DIP2C: variants seen among roughly 807,000 people sequenced by gnomAD.
DIP2C encodes the protein DIP2 acetate--CoA ligase C (putative).
In DIP2C, 33 loss-of-function variants were observed where a neutral mutation model predicts 192.4. The ratio of observed to expected loss-of-function variants is 0.17; its 90% CI spans 0.13 to 0.23. DIP2C has a LOEUF of 0.23. Ranked by LOEUF, DIP2C falls within the 10% of genes least tolerant of loss-of-function variation. DIP2C has a pLI of 1.00. For missense variants in DIP2C, 1,537 were observed against 2,110.1 expected (o/e 0.73, Z 5.32); for synonymous variants, 979 against 864.1 (o/e 1.13, Z -2.33).
intron 1 of DIP2C, among the ~76,000 whole-genome samples, chr10:655,348 C>T (rs573949217): frequency 6.6e-6 from 1 of 152,204 alleles, no homozygotes; most frequent in Non-Finnish European, 1.5e-5. Context: ...CCCAGCTGAG[C>T]TAAAGAGCAA....
intron 3 of DIP2C, among the ~76,000 whole-genome samples, chr10:458,039 T>A (rs151180190): frequency 4.6e-5 from 7 of 152,294 alleles, no homozygotes; most frequent in Non-Finnish European, 1.0e-4. Flanking sequence ...AGTGCAGTGA[T>A]GAAGCAGGAG....
intron 32 of DIP2C, among the ~76,000 whole-genome samples, chr10:300,614 GCCGGAACCCAGGCGCGGCC>G (rs1955985481): frequency 8.3e-5 from 12 of 143,970 alleles, no homozygotes; most frequent in South Asian, 2.3e-4. Flanking sequence ...GTGTGGAGAA[GCCGGAACCCAGGCGCGGCC>G]CTGAGCGTGT....
rs1186619953 is a variant in DIP2C at position 524,375 on chromosome 10, A to G, written c.86-37845T>C. On this transcript the variant is annotated intron_variant, in intron 1 of 36. Transcript: ENST00000280886. ...GCAGGAAAATTATTTAATTACCTTCATGGTCATCAAGTAAAATCAGTCACT... is the reference window on the plus strand; with the variant it reads ...GCAGGAAAATTATTTAATTACCTTCGTGGTCATCAAGTAAAATCAGTCACT... Among the ~76,000 whole-genome samples, 3 of 152,250 alleles carry G rather than the reference A, an allele frequency of 2.0e-5. No individual in the cohort carries two copies. The East Asian group carries it at 5.8e-4, about 29-fold the overall frequency.
chr10:274,492 T>C lies in DIP2C; in HGVS notation c.*2833A>G, dbSNP rs1954417081. On this transcript the variant is annotated 3_prime_UTR_variant, in exon 37 of 37. Coordinates refer to ENST00000280886, the MANE Select transcript of DIP2C (RefSeq NM_014974.3). The stretch of plus-strand genomic sequence containing the variant: ...CAACAAAAATAAAAGCTTTTATTTG[T>C]TCATTTGAATATAAAACAGGCGTTA... 6.6e-6 allele frequency: 1 copy of C among 152,248 alleles called. No individual in the cohort carries two copies. Among genetic ancestry groups the C allele is most frequent in the African/African-American group, 2.4e-5 (1 of 41,466 alleles). The allele number at this position is 152,248 out of a possible 1,614,324, so 9.4% of individuals were successfully genotyped here.
At chr10:633,354 C>T (rs112123667) in intron 1 of DIP2C, among the ~76,000 whole-genome samples, 2 of 152,282 alleles carry the variant, frequency 1.3e-5, no homozygotes, top group South Asian at 2.1e-4. Context: ...CACATTCCGG[C>T]GGTGCCATAG....
intron 2 of DIP2C, among the ~76,000 whole-genome samples, chr10:483,357 A>G (rs1843750882): frequency 6.6e-6 from 1 of 152,072 alleles, no homozygotes; most frequent in Non-Finnish European, 1.5e-5. Context: ...GGGGCCAACC[A>G]AGAAAGCAGC....
At chr10:463,401 A>T (rs574394123) in intron 3 of DIP2C, among the ~76,000 whole-genome samples, 12 of 152,184 alleles carry the variant, frequency 7.9e-5, no homozygotes, top group African/African-American at 2.2e-4. Flanking sequence ...CACAATTGCT[A>T]CAAAGAGAAT....
intron 1 of DIP2C, among the ~76,000 whole-genome samples, chr10:491,069 C>T (rs1844407837): frequency 1.3e-5 from 2 of 151,702 alleles, no homozygotes; most frequent in African/African-American, 4.9e-5. Context: ...AACAGACAGA[C>T]ACCCGGCCCT....
chr10:501,872 T>TGCTGGCTC (rs776830830), intron 1 of DIP2C, among the ~76,000 whole-genome samples: 1 of 152,154 alleles, frequency 6.6e-6, no homozygotes, highest in Non-Finnish European at 1.5e-5. Context: ...TGGCCAGGTG[T>TGCTGGCTC]GCTGGCTCAC....
At chr10:338,434 T>G (rs1006892916) in intron 29 of DIP2C, among the ~76,000 whole-genome samples, 1 of 152,102 alleles carries the variant, frequency 6.6e-6, no homozygotes, top group Non-Finnish European at 1.5e-5. Context: ...GTTTTTTTTT[T>G]TTTTTCCCAC....
At chr10:311,629 A>C in intron 31 of DIP2C, 1 of 1,189,508 alleles carries the variant, frequency 8.4e-7, no homozygotes, top group Non-Finnish European at 1.1e-6. Flanking sequence ...AGAAACCAAC[A>C]CACACAACAC....
chr10:615,967 GAGA>G (rs1853445697), intron 1 of DIP2C, among the ~76,000 whole-genome samples: 1 of 152,142 alleles, frequency 6.6e-6, no homozygotes, highest in Non-Finnish European at 1.5e-5. Flanking sequence ...ATGACCACAT[GAGA>G]AGCTCAGACC....
At chr10:670,961 A>G (rs1339784253) in intron 1 of DIP2C, among the ~76,000 whole-genome samples, 2 of 152,236 alleles carry the variant, frequency 1.3e-5, no homozygotes, top group Non-Finnish European at 2.9e-5. Context: ...TCATTTCAAA[A>G]CCGTTTCCTA....
intron 9 of DIP2C, among the ~76,000 whole-genome samples, chr10:404,976 T>C (rs917205807): frequency 6.6e-6 from 1 of 152,208 alleles, no homozygotes; most frequent in African/African-American, 2.4e-5. Flanking sequence ...ATTTCCACAT[T>C]ACCACTGCTG....
chr10:539,187 A>AT (rs1847849065), intron 1 of DIP2C, among the ~76,000 whole-genome samples: 2 of 152,234 alleles, frequency 1.3e-5, no homozygotes, highest in African/African-American at 4.8e-5. Context: ...CCTTTCATAG[A>AT]GTGCTCATAT....
intron 1 of DIP2C, among the ~76,000 whole-genome samples, chr10:613,508 G>A (rs1195056692): frequency 2.0e-5 from 3 of 152,190 alleles, no homozygotes; most frequent in African/African-American, 7.2e-5. Context: ...GGTTTTTCTT[G>A]GCAAGGCTTG....
chr10:422,739 C>A, intron 5 of DIP2C, 85 bp downstream of exon 5: 1 of 1,477,124 alleles, frequency 6.8e-7, no homozygotes, highest in Non-Finnish European at 9.1e-7. Flanking sequence ...CCGAGGGATT[C>A]CGCTGCAACG....
chr10:588,449 C>T (rs1851212448), intron 1 of DIP2C, among the ~76,000 whole-genome samples: 1 of 152,238 alleles, frequency 6.6e-6, no homozygotes, highest in African/African-American at 2.4e-5. Flanking sequence ...AGGCTCCGCA[C>T]TGGGTGAGGT....
chr10:355,188 C>T (rs978195508), intron 24 of DIP2C, among the ~76,000 whole-genome samples: 2 of 152,156 alleles, frequency 1.3e-5, no homozygotes, highest in African/African-American at 4.8e-5. Flanking sequence ...AGAAACGGGC[C>T]TTCCTGGTTT....
Sources: gnomAD v4.1 joint callset for allele counts (sites outside exome capture counted in the v4.1 genomes callset) on GRCh38, gnomAD v4.1.1 for gene constraint, MANE v1.5 for transcripts, NCBI Gene and HGNC (gene_info 2026-07-23, HGNC 2026-07-21) for gene names.